EIF2S3: variants seen among roughly 807,000 people sequenced by gnomAD.
EIF2S3 encodes the protein eukaryotic translation initiation factor 2 subunit gamma.
A neutral mutation model predicts 31.7 loss-of-function variants in EIF2S3; 2 were observed. The observed-to-expected ratio is 0.06, with a 90% confidence interval of 0.03 to 0.20. EIF2S3 has a LOEUF of 0.20. Among genes scored for constraint, EIF2S3 ranks in the 10% least tolerant of loss-of-function variants. The pLI is 1.00. For missense variants in EIF2S3, 96 were observed against 359.3 expected (o/e 0.27, Z 5.92); for synonymous variants, 120 against 126.7 (o/e 0.95, Z 0.36).
chrX:24,071,939 G>C (rs1276554609), intron 10 of EIF2S3, among the ~76,000 whole-genome samples: 1 of 108,534 alleles, frequency 9.2e-6, no homozygotes, highest in Non-Finnish European at 1.9e-5. Flanking sequence ...GCAGTGGCGC[G>C]ATCTCGGCTC....
chrX:24,074,243 C>T (rs972721776), intron 11 of EIF2S3, among the ~76,000 whole-genome samples: 6 of 112,302 alleles, frequency 5.3e-5, no homozygotes, highest in Admixed American at 4.8e-4. Flanking sequence ...AAACTAGTTA[C>T]TTTATAGAAT....
intron 11 of EIF2S3, among the ~76,000 whole-genome samples, chrX:24,075,833 A>G (rs759868008): frequency 9.0e-6 from 1 of 110,926 alleles, no homozygotes; most frequent in East Asian, 2.8e-4. Flanking sequence ...GTGTCTAAGT[A>G]GCTAGGACTA....
At chrX:24,072,728 G>T (rs1930691597) in intron 10 of EIF2S3, among the ~76,000 whole-genome samples, 1 of 111,232 alleles carries the variant, frequency 9.0e-6, no homozygotes, top group African/African-American at 3.3e-5. Flanking sequence ...GCCTCCCAAT[G>T]TGCTGGGATT....
chrX:24,062,811 G>A (rs1374392595), intron 6 of EIF2S3, among the ~76,000 whole-genome samples: 1 of 110,550 alleles, frequency 9.0e-6, no homozygotes, highest in African/African-American at 3.3e-5. Flanking sequence ...AACTGAGGTT[G>A]TTTTCTGGAA....
Position 24,078,592 on chromosome X carries a change from A to G in EIF2S3, c.*1807A>G, listed in dbSNP as rs1485321144. Among the ~76,000 whole-genome samples the G allele has an allele frequency of 8.9e-6, 1 of 111,803 alleles. No individual in the cohort carries two copies. The highest frequency in any genetic ancestry group is 1.9e-5 in the Non-Finnish European group (1 of 53,223). ...CTGAGTTTTGGTAGACTGATAATAC[A>G]ATTTGCTTTGCTTTTCTTAAATTTG... is the stretch of plus-strand genomic sequence containing the variant. On this transcript the variant is annotated 3_prime_UTR_variant, in exon 12 of 12. Coordinates refer to ENST00000253039, the MANE Select transcript of EIF2S3 (RefSeq NM_001415.4).
In EIF2S3 at chrX:24,064,302, C is replaced by G; in HGVS notation, c.739C>G (p.Pro247Ala). ...CATAGTAAAGAAAATTCCAGTACCCCCAAGAGACTTTACTTCAGAGCCCCG... is the reference window on the plus strand; with the variant it reads ...CATAGTAAAGAAAATTCCAGTACCCGCAAGAGACTTTACTTCAGAGCCCCG... Reference protein sequence around the residue: ...EYIVKKIPVPPRDFTSEPRLI... With the variant: ...EYIVKKIPVPARDFTSEPRLI... The change falls in exon 7 of 12, where the codon CCA becomes GCA. Residue 247 changes from proline to alanine, a missense_variant. Coordinates refer to ENST00000253039, the MANE Select transcript of EIF2S3 (RefSeq NM_001415.4). 1 of 1,193,585 alleles carries G rather than the reference C, an allele frequency of 8.4e-7. No homozygotes were observed. The highest frequency in any genetic ancestry group is 1.1e-6 in the Non-Finnish European group (1 of 888,351).
chrX:24,070,938 C>A (rs1487302590), intron 9 of EIF2S3, among the ~76,000 whole-genome samples: 2 of 111,435 alleles, frequency 1.8e-5, no homozygotes, highest in Middle Eastern at 9.3e-3. Context: ...GTAATACTTA[C>A]CATCTCCTGC....
At position 24,077,523 on chromosome X, in the gene EIF2S3, A is replaced by G. The variant is rs1169217032; in HGVS notation, c.*738A>G. ...AAGACTGTTGTACCAGTAAAAACTT[A>G]AAGGCACAAATTCTCCTTGAAGACC... On this transcript the variant is annotated 3_prime_UTR_variant, in exon 12 of 12. Coordinates refer to ENST00000253039, the MANE Select transcript of EIF2S3 (RefSeq NM_001415.4). 7.1e-5 allele frequency: 8 copies of G among 112,568 alleles called. No homozygotes were observed. Among genetic ancestry groups the G allele is most frequent in the Non-Finnish European group, 1.5e-4 (8 of 53,327 alleles). 9.3% of individuals were successfully genotyped at this position (112,568 alleles called of 1,213,427 possible).
intron 6 of EIF2S3, 78 bp from the exon 7 acceptor site, chrX:24,064,119 CTTAA>C (rs1166427388): frequency 9.4e-5 from 82 of 868,361 alleles, no homozygotes; most frequent in Non-Finnish European, 9.8e-5. Flanking sequence ...TTATAGTAAT[CTTAA>C]TTGTTTTATG....
At chrX:24,065,090 C>T (rs188839263) in intron 7 of EIF2S3, among the ~76,000 whole-genome samples, 32 of 111,502 alleles carry the variant, frequency 2.9e-4, no homozygotes, top group African/African-American at 5.9e-4. Flanking sequence ...GGCTTTCATC[C>T]GAGCTTCTGG....
intron 8 of EIF2S3, 35 bp downstream of exon 8, chrX:24,066,127 T>A (rs1470337099): frequency 1.0e-6 from 1 of 999,713 alleles, no homozygotes; most frequent in Non-Finnish European, 1.4e-6. Flanking sequence ...ATTTTGGGTT[T>A]TTTTTTTTTG....
intron 6 of EIF2S3, among the ~76,000 whole-genome samples, chrX:24,063,254 A>G (rs377222264): frequency 1.7e-4 from 19 of 111,894 alleles, no homozygotes; most frequent in African/African-American, 5.9e-4. Flanking sequence ...AAATAAATAA[A>G]TAATAAATCT....
At chrX:24,061,238 CAGA>C (rs943297558) in intron 5 of EIF2S3, among the ~76,000 whole-genome samples, 2 of 88,973 alleles carry the variant, frequency 2.2e-5, no homozygotes, top group African/African-American at 8.8e-5. Flanking sequence ...GCCTGGGCGA[CAGA>C]AGGAGACTCA....
At chrX:24,065,072 G>A (rs1269465248) in intron 7 of EIF2S3, among the ~76,000 whole-genome samples, 2 of 111,668 alleles carry the variant, frequency 1.8e-5, no homozygotes, top group East Asian at 5.6e-4. Context: ...AGACATTTGA[G>A]CTCCTCTGGC....
At chrX:24,072,951 A>G in intron 10 of EIF2S3, 140 bp from the exon 11 acceptor site, 1 of 711,851 alleles carries the variant, frequency 1.4e-6, no homozygotes, top group Non-Finnish European at 2.0e-6. Flanking sequence ...TATATAGTTC[A>G]AATTCCTTTA....
At chrX:24,067,372 G>T (rs1930593248) in intron 8 of EIF2S3, among the ~76,000 whole-genome samples, 1 of 111,083 alleles carries the variant, frequency 9.0e-6, no homozygotes. Context: ...TCTTTTGAAT[G>T]TGTCTGACTT....
intron 9 of EIF2S3, among the ~76,000 whole-genome samples, chrX:24,068,685 G>C (rs754677348): frequency 8.2e-4 from 92 of 111,588 alleles, no homozygotes; most frequent in Non-Finnish European, 1.1e-3. Flanking sequence ...AGCTCAGGCA[G>C]TCCCCCTGCC....
intron 11 of EIF2S3, 40 bp downstream of exon 11, chrX:24,073,303 GAC>G (rs1422314246): frequency 1.0e-5 from 12 of 1,199,000 alleles, no homozygotes; most frequent in East Asian, 3.0e-5. Context: ...ATTAAAAAAA[GAC>G]ACAGTCTTGT....
chrX:24,055,785 G>A (rs1930394745), intron 2 of EIF2S3, 107 bp downstream of exon 2: 1 of 780,098 alleles, frequency 1.3e-6, no homozygotes, highest in Non-Finnish European at 1.9e-6. Flanking sequence ...TCAAGAAATA[G>A]ATACTGAGTC....
Sources: gnomAD v4.1 joint callset for allele counts (sites outside exome capture counted in the v4.1 genomes callset) on GRCh38, gnomAD v4.1.1 for gene constraint, MANE v1.5 for transcripts, NCBI Gene and HGNC (gene_info 2026-07-23, HGNC 2026-07-21) for gene names.